The following SYNE2 variants were observed in gnomAD, a reference collection of about 807,000 sequenced individuals.
SYNE2 encodes spectrin repeat containing nuclear envelope protein 2, also known as nesprin-2.
Under a neutral mutation model 856.3 loss-of-function variants are expected in SYNE2, and 431 were observed. The ratio of observed to expected loss-of-function variants is 0.50; its 90% CI spans 0.47 to 0.55. The LOEUF is 0.55. Ranked by LOEUF, SYNE2 falls within the 20% of genes least tolerant of loss-of-function variation. The probability of loss-of-function intolerance (pLI) is 0.00; values close to 1 mark genes in which losing one functional copy is unlikely to be tolerated. For synonymous variants in SYNE2, 2,923 were observed against 2,872.3 expected (o/e 1.02, Z -0.56); for missense variants, 8,129 against 8,023.2 (o/e 1.01, Z -0.50).
chr14:63,918,934 G>A (rs17101451), intron 2 of SYNE2, among the ~76,000 whole-genome samples: 4,801 of 152,290 alleles, frequency 0.032, 261 homozygotes, highest in African/African-American at 0.11. Context: ...GTGGGAACTA[G>A]GTTTGCTGTA....
intron 1 of SYNE2, among the ~76,000 whole-genome samples, chr14:63,888,305 T>C (rs938567679): frequency 2.0e-5 from 3 of 152,150 alleles, no homozygotes; most frequent in Non-Finnish European, 4.4e-5. Context: ...GGTGTGGCTT[T>C]GGGTATCCCA....
chr14:63,861,544 A>G (rs965171204), intron 1 of SYNE2, among the ~76,000 whole-genome samples: 4 of 148,664 alleles, frequency 2.7e-5, no homozygotes, highest in African/African-American at 1.0e-4. Flanking sequence ...TAATCCCAGC[A>G]TTTTGGGAGG....
rs182664381 is a variant in SYNE2 at position 63,775,093 on chromosome 14, C to T, written c.-305+13107C>T. Among the ~76,000 whole-genome samples the T allele has an allele frequency of 5.8e-4, 89 of 152,284 alleles. No homozygotes were observed. In the East Asian group the frequency reaches 0.015, roughly 26 times the overall value. On this transcript the variant is annotated intron_variant, in intron 1 of 23. Coordinates refer to the SYNE2 transcript ENST00000674003. ...TTGGGTTCAAGTGATTCTCCTGCCT[C>T]AACCTCCCAAGTAGCTGGGATTACA...
chr14:63,954,158 G>A (rs2096209647), intron 7 of SYNE2, among the ~76,000 whole-genome samples: 1 of 152,136 alleles, frequency 6.6e-6, no homozygotes, highest in Non-Finnish European at 1.5e-5. Flanking sequence ...CATCTGTCAT[G>A]ATGGGTTTTA....
intron 79 of SYNE2, among the ~76,000 whole-genome samples, chr14:64,138,914 G>GTGTGTGTGTA (rs2153689352): frequency 7.2e-6 from 1 of 138,936 alleles, no homozygotes; most frequent in East Asian, 2.0e-4. Flanking sequence ...AATGCTGGTT[G>GTGTGTGTGTA]TGTGTGTGTG....
Position 63,903,529 on chromosome 14 carries a change from A to G in SYNE2, c.-51-5569A>G, listed in dbSNP as rs77650349. On this transcript the variant is annotated intron_variant, in intron 1 of 115. Coordinates refer to ENST00000555002, the MANE Select transcript of SYNE2 (RefSeq NM_182914.3). ...TTTACTTTTTAGAGGTAGTCTGTCT[A>G]TGTTGCCCAGGCTTGCCTCAAACTT... Among the ~76,000 whole-genome samples, 566 of 151,992 alleles carry G rather than the reference A, an allele frequency of 3.7e-3. 20 individuals carry two copies. In the East Asian group the frequency reaches 0.089, roughly 24 times the overall value.
At chr14:64,117,734 G>T (rs1010981449) in intron 66 of SYNE2, among the ~76,000 whole-genome samples, 1 of 152,080 alleles carries the variant, frequency 6.6e-6, no homozygotes. Context: ...TCCACTTCTG[G>T]CATGGTGCAT....
Position 64,091,027 on chromosome 14 carries a change from A to T in SYNE2, c.11955A>T (p.Gln3985His). The T allele has an allele frequency of 1.9e-6, 3 of 1,614,108 alleles. No homozygotes were observed. The highest frequency in any genetic ancestry group is 2.5e-6 in the Non-Finnish European group (3 of 1,179,950). The change falls in exon 60 of 116, where the codon CAA becomes CAT. Residue 3985 changes from glutamine to histidine, a missense_variant. Gln to His is a conservative substitution (Grantham distance 24). Transcript: ENST00000555002. ...TAAAACTATTGGAAAATGTGACTCA[A>T]GAACAAAATGAGTTATTAAAGGTAA... Reference protein sequence around the residue: ...QDIKLLENVTQEQNELLKVVI... With the variant: ...QDIKLLENVTHEQNELLKVVI...
intron 1 of SYNE2, among the ~76,000 whole-genome samples, chr14:63,847,120 C>T (rs1173360225): frequency 6.6e-6 from 1 of 151,312 alleles, no homozygotes; most frequent in Non-Finnish European, 1.5e-5. Context: ...CAGCACCCAG[C>T]TTATTATATT....
chr14:64,112,951 G>A (rs2097823460), intron 65 of SYNE2: 2 of 945,034 alleles, frequency 2.1e-6, no homozygotes, highest in Non-Finnish European at 1.3e-6. Flanking sequence ...GGAATAGAGT[G>A]TGCAGCAATG....
intron 17 of SYNE2, among the ~76,000 whole-genome samples, chr14:63,983,071 A>G (rs925967183): frequency 6.6e-6 from 1 of 152,308 alleles, no homozygotes; most frequent in East Asian, 1.9e-4. Flanking sequence ...ATGAAATCAT[A>G]TAATATGTGA....
At chr14:63,778,524 A>T (rs1203671469) in intron 1 of SYNE2, among the ~76,000 whole-genome samples, 1 of 151,748 alleles carries the variant, frequency 6.6e-6, no homozygotes, top group Non-Finnish European at 1.5e-5. Flanking sequence ...TATTCTTAAA[A>T]TTTTTCCTGA....
chr14:63,765,145 C>T (rs1353260522), intron 1 of SYNE2, among the ~76,000 whole-genome samples: 1 of 152,104 alleles, frequency 6.6e-6, no homozygotes, highest in African/African-American at 2.4e-5. Context: ...TCCTTCCATC[C>T]TCTAACTTTT....
intron 85 of SYNE2, 94 bp from the exon 86 acceptor site, chr14:64,158,531 T>G: frequency 1.4e-6 from 2 of 1,396,088 alleles, no homozygotes; most frequent in Non-Finnish European, 2.0e-6. Context: ...TACTCTCAAA[T>G]TGAAATGCCT....
chr14:64,095,701 A>AT (rs780439781), intron 61 of SYNE2, among the ~76,000 whole-genome samples: 3 of 152,228 alleles, frequency 2.0e-5, no homozygotes, highest in Non-Finnish European at 2.9e-5. Flanking sequence ...GGCCCTTGGT[A>AT]TGCAGCAGAA....
rs1555556199 is a variant in SYNE2 at position 64,219,114 on chromosome 14, T to TG, written c.19658-94_19658-93insG. On this transcript the variant is annotated intron_variant, in intron 109 of 115. Coordinates refer to ENST00000555002, the MANE Select transcript of SYNE2 (RefSeq NM_182914.3). Reference sequence around the variant, plus strand: ...CCCTACAGTTTTTTTGTTTTTTTTTTTTTTTTTTTTAACCACCCTGACCCC... The same window carrying TG: ...CCCTACAGTTTTTTTGTTTTTTTTTTGTTTTTTTTTTAACCACCCTGACCCC... 143 of 959,580 alleles carry TG rather than the reference T, an allele frequency of 1.5e-4. 2 individuals are homozygous for TG. The highest frequency in any genetic ancestry group is 1.5e-3 in the African/African-American group (85 of 58,168). 59.4% of individuals were successfully genotyped at this position (959,580 alleles called of 1,614,324 possible).
intron 66 of SYNE2, among the ~76,000 whole-genome samples, chr14:64,114,581 T>G: frequency 6.6e-6 from 1 of 151,716 alleles, no homozygotes; most frequent in Non-Finnish European, 1.5e-5. Flanking sequence ...CAGGCCAGCC[T>G]CCTTTTCTGT....
chr14:63,797,905 C>A (rs1477610495), intron 1 of SYNE2, among the ~76,000 whole-genome samples: 1 of 152,234 alleles, frequency 6.6e-6, no homozygotes, highest in Non-Finnish European at 1.5e-5. Flanking sequence ...GTCATGTATT[C>A]CACAGAGGGA....
At chr14:64,077,063 G>A (rs1022215139) in intron 54 of SYNE2, among the ~76,000 whole-genome samples, 1 of 152,110 alleles carries the variant, frequency 6.6e-6, no homozygotes, top group Admixed American at 6.6e-5. Context: ...ATCCCTAGCA[G>A]AGTAAATTAA....
Sources: gnomAD v4.1 joint callset for allele counts (sites outside exome capture counted in the v4.1 genomes callset) on GRCh38, gnomAD v4.1.1 for gene constraint, MANE v1.5 for transcripts, NCBI Gene and HGNC (gene_info 2026-07-23, HGNC 2026-07-21) for gene names.